Variants in DUS2 observed in about 807,000 individuals in gnomAD.
The protein encoded by DUS2 is tRNA-dihydrouridine(20) synthase [NAD(P)+]-like.
Under a neutral mutation model 71.3 loss-of-function variants are expected in DUS2, and 52 were observed. The ratio of observed to expected loss-of-function variants is 0.73; its 90% CI spans 0.58 to 0.92. DUS2 has a LOEUF of 0.92. Ranked by LOEUF, DUS2 falls within the 40% of genes least tolerant of loss-of-function variation. The pLI, the probability that DUS2 is intolerant of heterozygous loss-of-function variation, is 0.00. For missense variants in DUS2, 558 were observed against 622.6 expected (o/e 0.90, Z 1.10); for synonymous variants, 204 against 227.8 (o/e 0.90, Z 0.94).
intron 5 of DUS2, chr16:68,054,054 G>T (rs1269928144): frequency 9.8e-6 from 2 of 203,690 alleles, no homozygotes; most frequent in Admixed American, 1.1e-4. Flanking sequence ...TATTTGAGTT[G>T]TGATGACTCT....
intron 7 of DUS2, among the ~76,000 whole-genome samples, chr16:68,057,707 T>C (rs1019849033): frequency 2.6e-5 from 4 of 151,746 alleles, no homozygotes; most frequent in Admixed American, 1.3e-4. Context: ...TGGTGAAACC[T>C]TGTCTCTACT....
intron 2 of DUS2, among the ~76,000 whole-genome samples, chr16:68,028,407 G>T (rs529942918): frequency 6.6e-6 from 1 of 152,042 alleles, no homozygotes; most frequent in East Asian, 1.9e-4. Flanking sequence ...AGGCCAAGGC[G>T]GGTGAATCAC....
chr16:68,029,549 T>G (rs932085990), intron 2 of DUS2, among the ~76,000 whole-genome samples: 3 of 152,034 alleles, frequency 2.0e-5, no homozygotes, highest in Non-Finnish European at 4.4e-5. Context: ...CAAGTTCAAG[T>G]GATTCTCCTG....
In DUS2 at chr16:68,073,522, T is replaced by C. The variant is rs904254139; in HGVS notation, c.811-512T>C. On this transcript the variant is annotated intron_variant, in intron 12 of 16. Transcript: ENST00000565263. ...TGGAGTGCAGTGGCACGATCTTGGC[T>C]CACCGCAACCTTCGCCTCCAGGGTT... Among the ~76,000 whole-genome samples the C allele has an allele frequency of 2.6e-5, 4 of 151,306 alleles. No homozygotes were observed. The South Asian group carries it at 8.4e-4, about 32-fold the overall frequency.
rs183757299 is a variant in DUS2 at position 68,046,250 on chromosome 16, C to T, written c.127-3255C>T. ...TGTCTGTTGTTCCCATGTTTATGTT[C>T]GTGTGTACCCAATGCTTAGCTCCTG... On this transcript the variant is annotated intron_variant, in intron 3 of 16. Coordinates refer to ENST00000565263, the MANE Select transcript of DUS2 (RefSeq NM_017803.5). Among the ~76,000 whole-genome samples the T allele has an allele frequency of 8.0e-3, 1,222 of 152,152 alleles. 9 individuals carry two copies. Among genetic ancestry groups the T allele is most frequent in the Non-Finnish European group, 0.012 (829 of 68,022 alleles).
intron 2 of DUS2, among the ~76,000 whole-genome samples, chr16:68,035,909 TATATATATATATATATATATAC>T (rs1434404302): frequency 0.027 from 1,523 of 56,360 alleles, 49 homozygotes; most frequent in African/African-American, 0.06. Flanking sequence ...TATATATATA[TATATATATATATATATATATAC>T]ACACATACAT....
intron 3 of DUS2, among the ~76,000 whole-genome samples, chr16:68,046,779 C>T (rs1208890378): frequency 1.3e-5 from 2 of 150,514 alleles, no homozygotes; most frequent in African/African-American, 2.4e-5. Context: ...CGAAGTCTTG[C>T]TCTGTCGCCG....
intron 3 of DUS2, among the ~76,000 whole-genome samples, chr16:68,040,400 C>A (rs919669822): frequency 6.6e-6 from 1 of 152,034 alleles, no homozygotes; most frequent in African/African-American, 2.4e-5. Flanking sequence ...TGTTTTCAAG[C>A]CCTTTGGAAG....
At position 68,054,579 on chromosome 16, in the gene DUS2, T is replaced by C. The variant is rs751176011; in HGVS notation, c.270T>C (p.Thr90=). 2 of 1,614,144 alleles carry C rather than the reference T, an allele frequency of 1.2e-6. No individual in the cohort carries two copies. The highest frequency in any genetic ancestry group is 1.7e-6 in the Non-Finnish European group (2 of 1,180,018). ...EQNRVVFQMG[T]SDAERALAVA... is the part of the protein sequence containing the mutation. Reference sequence around the variant, plus strand: ...GCAGCCTCTTGTGTTCCCAGGGGACTTCAGACGCAGAGCGAGCCCTTGCTG... The same window carrying C: ...GCAGCCTCTTGTGTTCCCAGGGGACCTCAGACGCAGAGCGAGCCCTTGCTG... The change falls in exon 6 of 17, where the codon ACT becomes ACC. Residue 90 remains threonine, a synonymous_variant. Coordinates refer to ENST00000565263, the MANE Select transcript of DUS2 (RefSeq NM_017803.5).
chr16:68,042,898 G>A (rs1021165587), intron 3 of DUS2, among the ~76,000 whole-genome samples: 3 of 151,764 alleles, frequency 2.0e-5, no homozygotes, highest in Admixed American at 6.6e-5. Context: ...TGGTAGAGAC[G>A]GGTTTTTCCA....
chr16:68,052,086 T>C (rs572333881), intron 4 of DUS2, among the ~76,000 whole-genome samples: 1 of 151,612 alleles, frequency 6.6e-6, no homozygotes, highest in Non-Finnish European at 1.5e-5. Flanking sequence ...TGTATTTTAG[T>C]AGAGACTTGA....
chr16:68,070,889 G>C (rs2034074480), intron 11 of DUS2, 51 bp from the exon 12 acceptor site: 1 of 1,589,962 alleles, frequency 6.3e-7, no homozygotes, highest in South Asian at 1.1e-5. Flanking sequence ...TTCTGAAAAT[G>C]CTGATAGGTT....
rs201556324 is a variant in DUS2 at position 68,044,186 on chromosome 16, T to C, written c.127-5319T>C. Among the ~76,000 whole-genome samples, 12 of 152,282 alleles carry C rather than the reference T, an allele frequency of 7.9e-5. No homozygotes were observed. In the East Asian group the frequency reaches 1.9e-3, roughly 24 times the overall value. ...GTATAAATTCTCCAACTTTTTCTTCTCTTTCAAGATTGTTTTGTGTAATCT... is the reference window on the plus strand; with the variant it reads ...GTATAAATTCTCCAACTTTTTCTTCCCTTTCAAGATTGTTTTGTGTAATCT... On this transcript the variant is annotated intron_variant, in intron 3 of 16. Coordinates refer to ENST00000565263, the MANE Select transcript of DUS2 (RefSeq NM_017803.5).
chr16:68,062,095 C>A (rs938330272), intron 8 of DUS2, among the ~76,000 whole-genome samples: 1 of 152,192 alleles, frequency 6.6e-6, no homozygotes, highest in East Asian at 1.9e-4. Flanking sequence ...ACTGCAACCT[C>A]TGCCTCCAGG....
intron 10 of DUS2, among the ~76,000 whole-genome samples, chr16:68,068,038 G>T (rs75733050): frequency 0.037 from 5,709 of 152,286 alleles, 118 homozygotes; most frequent in Middle Eastern, 0.15. Flanking sequence ...AATCCTTCTA[G>T]CTGTAGCTAA....
At chr16:68,057,042 A>G (rs2033865951) in intron 7 of DUS2, among the ~76,000 whole-genome samples, 1 of 131,232 alleles carries the variant, frequency 7.6e-6, no homozygotes, top group African/African-American at 2.9e-5. Flanking sequence ...TATATGTAAT[A>G]TATATTTATA....
At chr16:68,048,069 C>T (rs1221353705) in intron 3 of DUS2, among the ~76,000 whole-genome samples, 1 of 152,112 alleles carries the variant, frequency 6.6e-6, no homozygotes, top group African/African-American at 2.4e-5. Flanking sequence ...AGACATAAGC[C>T]ATCATGTCTG....
At chr16:68,029,481 C>T (rs1381146051) in intron 2 of DUS2, among the ~76,000 whole-genome samples, 2 of 151,834 alleles carry the variant, frequency 1.3e-5, no homozygotes, top group Non-Finnish European at 2.9e-5. Flanking sequence ...GAGTCTTGCT[C>T]CAATTTCCAG....
intron 8 of DUS2, among the ~76,000 whole-genome samples, chr16:68,062,247 G>C (rs931242893): frequency 2.6e-5 from 4 of 151,854 alleles, no homozygotes; most frequent in African/African-American, 9.7e-5. Flanking sequence ...CTGACCTCAG[G>C]TGATCTGCCC....
Sources: allele counts gnomAD v4.1 joint callset (sites outside exome capture counted in the v4.1 genomes callset), GRCh38; gene constraint gnomAD v4.1.1; transcripts MANE v1.5; gene names NCBI Gene and HGNC (gene_info 2026-07-23, HGNC 2026-07-21).